The following PPP4R1 variants were observed in gnomAD, a reference collection of about 807,000 sequenced individuals.
PPP4R1 encodes the protein protein phosphatase 4 regulatory subunit 1, also known as serine/threonine-protein phosphatase 4 regulatory subunit 1.
PPP4R1 carries 42 observed loss-of-function variants against 111.2 expected under a neutral mutation model. That is an observed-to-expected ratio of 0.38 (90% confidence interval 0.29 to 0.49). PPP4R1 has a LOEUF of 0.49. PPP4R1 is among the 20% of genes least tolerant of loss of function. The probability of loss-of-function intolerance (pLI) is 0.97; values close to 1 mark genes in which losing one functional copy is unlikely to be tolerated. For missense variants in PPP4R1, 1,012 were observed against 1,161.6 expected, an observed-to-expected ratio of 0.87 and a Z score of 1.87; for synonymous variants, 409 against 405.5, an observed-to-expected ratio of 1.01 and a Z score of -0.10.
At chr18:9,563,572 G>A (rs1427278850) in intron 11 of PPP4R1, 22 bp from the exon 12 acceptor site, 1 of 1,540,988 alleles carries the variant, frequency 6.5e-7, no homozygotes. Flanking sequence ...ATAAGGAAAT[G>A]GACAAAGTGA....
intron 15 of PPP4R1, among the ~76,000 whole-genome samples, chr18:9,555,333 C>T (rs1441783026): frequency 6.6e-6 from 1 of 151,758 alleles, no homozygotes; most frequent in South Asian, 2.1e-4. Context: ...TAAAAAAAAA[C>T]AGAAAGAATT....
At chr18:9,608,953 TGC>T (rs1198003533) in intron 2 of PPP4R1, among the ~76,000 whole-genome samples, 7 of 152,178 alleles carry the variant, frequency 4.6e-5, no homozygotes, top group Non-Finnish European at 1.0e-4. Context: ...ACAAAAAGTA[TGC>T]ATTTAGGTGT....
chr18:9,553,439 A>C lies in PPP4R1; in HGVS notation c.2191-17T>G, dbSNP rs548184731. 6 of 1,494,742 alleles carry C rather than the reference A, an allele frequency of 4.0e-6. No individual in the cohort carries two copies. The East Asian group carries it at 9.0e-5, about 23-fold the overall frequency. 92.6% of individuals were successfully genotyped at this position (1,494,742 alleles called of 1,614,324 possible). A position where few individuals can be genotyped will look rare whatever the true frequency, so the allele number is the denominator to read the frequency against. ...ATGAAGAAGCTAAAGTAACAAAATA[A>C]AAATATTTACCAGGACAAGGTACAG... is the stretch of plus-strand genomic sequence containing the variant. On this transcript the variant is annotated splice_polypyrimidine_tract_variant and intron_variant, in intron 15 of 19. Coordinates refer to ENST00000400556, the MANE Select transcript of PPP4R1 (RefSeq NM_001042388.3).
intron 19 of PPP4R1, among the ~76,000 whole-genome samples, chr18:9,548,487 G>A (rs767904551): frequency 2.6e-5 from 4 of 152,124 alleles, no homozygotes; most frequent in Non-Finnish European, 5.9e-5. Flanking sequence ...ATACTATGGG[G>A]CATCTGTCTC....
Position 9,557,288 on chromosome 18 carries a change from T to C in PPP4R1, c.2123A>G (p.Asn708Ser), listed in dbSNP as rs375250099. Residue 708 changes from asparagine to serine, a missense_variant, in exon 15 of 20, where the codon AAT becomes AGT. Transcript: ENST00000400556. ...LTAADLVPIFNGFLKDLDEVR... is the reference protein window; with the variant it reads ...LTAADLVPIFSGFLKDLDEVR... ...TTCATCGAGGTCTTTTAAAAATCCATTAAAAATTGGAACCAGATCTGCAGC... is the reference window on the plus strand; with the variant it reads ...TTCATCGAGGTCTTTTAAAAATCCACTAAAAATTGGAACCAGATCTGCAGC... 6.2e-7 allele frequency: 1 copy of C among 1,613,120 alleles called. No homozygotes were observed. The highest frequency in any genetic ancestry group is 8.5e-7 in the Non-Finnish European group (1 of 1,179,700).
At chr18:9,552,398 T>C (rs1286802644) in intron 16 of PPP4R1, among the ~76,000 whole-genome samples, 1 of 152,238 alleles carries the variant, frequency 6.6e-6, no homozygotes, top group African/African-American at 2.4e-5. Flanking sequence ...GTGATGGATA[T>C]GCTAACTGCC....
intron 9 of PPP4R1, among the ~76,000 whole-genome samples, chr18:9,578,076 G>A (rs1230387901): frequency 6.6e-6 from 1 of 152,170 alleles, no homozygotes; most frequent in Non-Finnish European, 1.5e-5. Flanking sequence ...TCCACTTCAT[G>A]TCGTATTTCT....
chr18:9,588,686 A>G, intron 5 of PPP4R1, 25 bp downstream of exon 5: 1 of 1,569,750 alleles, frequency 6.4e-7, no homozygotes, highest in African/African-American at 1.4e-5. Flanking sequence ...AATTTCTTTT[A>G]AGAACATATA....
intron 15 of PPP4R1, among the ~76,000 whole-genome samples, chr18:9,554,276 T>C (rs1281794949): frequency 1.3e-5 from 2 of 151,798 alleles, no homozygotes; most frequent in East Asian, 1.9e-4. Context: ...TACAGGCGCA[T>C]GCCACCACGC....
At chr18:9,593,951 G>A (rs2067252452) in intron 3 of PPP4R1, 77 bp from the exon 4 acceptor site, 6 of 1,150,918 alleles carry the variant, frequency 5.2e-6, no homozygotes, top group Non-Finnish European at 7.6e-6. Flanking sequence ...TTTTGAGACA[G>A]GGCCTCATTC....
At chr18:9,579,420 A>T (rs552907662) in intron 9 of PPP4R1, among the ~76,000 whole-genome samples, 1 of 152,332 alleles carries the variant, frequency 6.6e-6, no homozygotes, top group African/African-American at 2.4e-5. Flanking sequence ...AGAAGGGACA[A>T]TACAGTAGAT....
intron 11 of PPP4R1, among the ~76,000 whole-genome samples, chr18:9,566,648 GACACACACACACACAC>G (rs56772611): frequency 1.7e-3 from 246 of 144,182 alleles, no homozygotes; most frequent in Middle Eastern, 7.3e-3. Context: ...GAGGCGCTGT[GACACACACACACACAC>G]ACACACACAC....
At chr18:9,610,867 TACACACACACACAC>T (rs60173784) in intron 2 of PPP4R1, among the ~76,000 whole-genome samples, 1 of 149,786 alleles carries the variant, frequency 6.7e-6, no homozygotes, top group Admixed American at 6.7e-5. Context: ...AAATTATGTG[TACACACACACACAC>T]ACACACACAC....
chr18:9,595,790 A>G (rs185100056), intron 2 of PPP4R1, among the ~76,000 whole-genome samples: 205 of 152,302 alleles, frequency 1.3e-3, no homozygotes, highest in African/African-American at 4.8e-3. Flanking sequence ...AAGCTGCAGG[A>G]GAAGGAAGAG....
chr18:9,556,386 T>G (rs1310323254), intron 15 of PPP4R1, among the ~76,000 whole-genome samples: 1 of 151,818 alleles, frequency 6.6e-6, no homozygotes, highest in Non-Finnish European at 1.5e-5. Flanking sequence ...AAAGACAAGG[T>G]TTCACCATGT....
chr18:9,593,879 A>G lies in PPP4R1; in HGVS notation c.189-5T>C. 6.2e-7 allele frequency: 1 copy of G among 1,605,594 alleles called. No individual in the cohort carries two copies. Among genetic ancestry groups the G allele is most frequent in the African/African-American group, 1.3e-5 (1 of 74,786 alleles). Reference sequence around the variant, plus strand: ...AAACTCCGGGCCACCATTTGTCTACACAAAAAAAACAAAATTATGTATGTT... The same window carrying G: ...AAACTCCGGGCCACCATTTGTCTACGCAAAAAAAACAAAATTATGTATGTT... On this transcript the variant is annotated splice_region_variant and splice_polypyrimidine_tract_variant and intron_variant, in intron 3 of 19. Transcript: ENST00000400556.
At chr18:9,612,511 T>C (rs2067599113) in intron 2 of PPP4R1, 6 of 152,220 alleles carry the variant, frequency 3.9e-5, no homozygotes, top group Admixed American at 3.9e-4. Flanking sequence ...CCTTCCCCTC[T>C]ACACTGTGCT....
intron 12 of PPP4R1, 89 bp downstream of exon 12, chr18:9,563,289 C>T (rs2066707675): frequency 1.4e-6 from 2 of 1,406,734 alleles, no homozygotes; most frequent in Non-Finnish European, 1.9e-6. Context: ...AACATACAAA[C>T]TAAAAGTGAT....
chr18:9,581,374 G>A (rs1422757824), intron 9 of PPP4R1, among the ~76,000 whole-genome samples: 5 of 152,064 alleles, frequency 3.3e-5, no homozygotes, highest in African/African-American at 7.2e-5. Flanking sequence ...CATCAATAAA[G>A]AGAAATTACA....
Sources: gnomAD v4.1 joint callset for allele counts (sites outside exome capture counted in the v4.1 genomes callset) on GRCh38, gnomAD v4.1.1 for gene constraint, MANE v1.5 for transcripts, NCBI Gene and HGNC (gene_info 2026-07-23, HGNC 2026-07-21) for gene names.